GOLGB1: variants seen among roughly 807,000 people sequenced by gnomAD.
GOLGB1 encodes golgin B1, also known as golgin subfamily B member 1.
Under a neutral mutation model 336.9 loss-of-function variants are expected in GOLGB1, and 174 were observed. The observed-to-expected ratio is 0.52, with a 90% CI of 0.46 to 0.59. The LOEUF (loss-of-function observed/expected upper bound fraction) is 0.59, where lower values mean the gene tolerates loss of function less well. Among genes scored for constraint, GOLGB1 ranks in the 20% least tolerant of loss-of-function variants. The pLI is 0.00. For missense variants in GOLGB1, 3,331 were observed against 3,645.3 expected, an observed-to-expected ratio of 0.91 and a Z score of 2.22; for synonymous variants, 1,208 against 1,289.2, an observed-to-expected ratio of 0.94 and a Z score of 1.35.
In GOLGB1 at chr3:121,695,965, G is replaced by A. The variant is rs369211549; in HGVS notation, c.4558C>T (p.Arg1520Cys). Residue 1520 changes from arginine to cysteine, a missense_variant, in exon 13 of 22, where the codon CGT becomes TGT. Transcript: ENST00000614479. Reference protein sequence around the residue: ...ELSLARGTIERLTKSLADVES... With the variant: ...ELSLARGTIECLTKSLADVES... ...ACATCTGCCAGAGACTTGGTGAGAC[G>A]TTCAATGGTACCTCTGGCCAAAGAC... is the stretch of plus-strand genomic sequence containing the variant. 7.7e-5 allele frequency: 125 copies of A among 1,613,778 alleles called. No individual in the cohort carries two copies. The highest frequency in any genetic ancestry group is 1.6e-4 in the Middle Eastern group (1 of 6,084).
At position 121,690,899 on chromosome 3, in the gene GOLGB1, A is replaced by C. The variant is rs1233647084; in HGVS notation, c.8465T>G (p.Leu2822Trp). The change falls in exon 14 of 22, where the codon TTG (leucine) becomes TGG (tryptophan). Residue 2822 changes from leucine (L) to tryptophan (W), a missense_variant. Transcript: ENST00000614479. ...TTCTAGTTGTGAGGACAAGTGAAGC[A>C]ATTGCTCATCTTTGGATAGGAGCTG... is the stretch of plus-strand genomic sequence containing the variant. ...NQQLLSKDEQ[L>W]LHLSSQLEDS... The C allele has an allele frequency of 1.2e-6, 2 of 1,614,182 alleles. No homozygotes were observed. The highest frequency in any genetic ancestry group is 1.7e-6 in the Non-Finnish European group (2 of 1,179,990).
chr3:121,715,369 A>ATTTTTTTTTTTTTTTTTTTT (rs373634444), intron 9 of GOLGB1, among the ~76,000 whole-genome samples: 1 of 128,594 alleles, frequency 7.8e-6, no homozygotes. Context: ...TGCCTGGCTA[A>ATTTTTTTTTTTTTTTTTTTT]TTTTTTTTTT....
chr3:121,717,204 A>G, intron 8 of GOLGB1, 65 bp from the exon 9 acceptor site: 3 of 1,341,358 alleles, frequency 2.2e-6, no homozygotes, highest in African/African-American at 1.5e-5. Flanking sequence ...AGCATTGTAA[A>G]GTGCTTTTTC....
chr3:121,714,383 A>G (rs573321288), intron 10 of GOLGB1, among the ~76,000 whole-genome samples: 1 of 152,322 alleles, frequency 6.6e-6, no homozygotes, highest in South Asian at 2.1e-4. Flanking sequence ...GAAAGAATAT[A>G]CTGGCCAATA....
intron 14 of GOLGB1, among the ~76,000 whole-genome samples, chr3:121,685,969 T>G (rs900736923): frequency 7.9e-5 from 12 of 152,228 alleles, no homozygotes; most frequent in African/African-American, 2.7e-4. Context: ...TATCCTAGAA[T>G]GGACCATCAG....
At chr3:121,675,765 AT>A (rs940585611) in intron 17 of GOLGB1, among the ~76,000 whole-genome samples, 4 of 152,138 alleles carry the variant, frequency 2.6e-5, no homozygotes, top group Admixed American at 6.5e-5. Context: ...AACATTAAAA[AT>A]TTTTTTTAGT....
At chr3:121,720,056 A>AT (rs1945079835) in intron 6 of GOLGB1, among the ~76,000 whole-genome samples, 1 of 152,184 alleles carries the variant, frequency 6.6e-6, no homozygotes, top group Admixed American at 6.6e-5. Context: ...CAAGAAGTGT[A>AT]TTTTTTAAAG....
Position 121,669,374 on chromosome 3 carries a change from T to A in GOLGB1, c.9178-19A>T. 1 of 1,609,822 alleles carries A rather than the reference T, an allele frequency of 6.2e-7. No individual in the cohort carries two copies. Among genetic ancestry groups the A allele is most frequent in the Non-Finnish European group, 8.5e-7 (1 of 1,176,290 alleles). On this transcript the variant is annotated intron_variant, in intron 17 of 21. Transcript: ENST00000614479. The stretch of plus-strand genomic sequence containing the variant: ...GAGAGAACTGAAACAGAGGCGAGGA[T>A]AAGCATCATCCTGCAGTACTGTAAG...
intron 14 of GOLGB1, among the ~76,000 whole-genome samples, chr3:121,690,220 C>T (rs375636251): frequency 1.3e-5 from 2 of 152,072 alleles, no homozygotes; most frequent in South Asian, 2.1e-4. Flanking sequence ...GAACTGAGTC[C>T]TTTCTGCTCC....
intron 1 of GOLGB1, among the ~76,000 whole-genome samples, chr3:121,736,056 A>G (rs1576471617): frequency 6.6e-6 from 1 of 152,262 alleles, no homozygotes; most frequent in East Asian, 1.9e-4. Flanking sequence ...ATAAATAACA[A>G]TAATATTGGA....
Position 121,697,083 on chromosome 3 carries a change from T to C in GOLGB1, c.3440A>G (p.Lys1147Arg), listed in dbSNP as rs201386859. 1.2e-6 allele frequency: 2 copies of C among 1,614,066 alleles called. No homozygotes were observed. The highest frequency in any genetic ancestry group is 2.2e-5 in the East Asian group (1 of 44,876). The change falls in exon 13 of 22, where the codon AAG (lysine) becomes AGG (arginine). Residue 1147 changes from lysine to arginine, a missense_variant. Coordinates refer to ENST00000614479, the MANE Select transcript of GOLGB1 (RefSeq NM_001366282.2). ...ASDGDSVALV[K>R]ETVVISPPCT... ...AGGTGGACTTATCACCACTGTTTCC[T>C]TTACAAGTGCTACGGAGTCCCCATC...
chr3:121,702,865 C>T (rs1418010593), intron 10 of GOLGB1, among the ~76,000 whole-genome samples: 1 of 151,968 alleles, frequency 6.6e-6, no homozygotes, highest in Admixed American at 6.5e-5. Context: ...ATAGAAATCC[C>T]AAGTCTATAG....
chr3:121,679,801 C>T (rs1940857541), intron 15 of GOLGB1, among the ~76,000 whole-genome samples: 1 of 152,178 alleles, frequency 6.6e-6, no homozygotes, highest in Non-Finnish European at 1.5e-5. Flanking sequence ...CCCCTCCTCC[C>T]CCACTCCCAC....
intron 1 of GOLGB1, among the ~76,000 whole-genome samples, chr3:121,743,748 A>T (rs189425757): frequency 9.8e-4 from 150 of 152,342 alleles, no homozygotes; most frequent in Non-Finnish European, 1.7e-3. Flanking sequence ...AACTTTACCA[A>T]ATTGTCAAAA....
At chr3:121,738,973 A>G (rs181686148) in intron 1 of GOLGB1, among the ~76,000 whole-genome samples, 2 of 152,314 alleles carry the variant, frequency 1.3e-5, no homozygotes, top group Admixed American at 6.5e-5. Flanking sequence ...TTAAAAATGA[A>G]CTACTGAGGC....
At chr3:121,747,314 T>G (rs1947396898) in intron 1 of GOLGB1, among the ~76,000 whole-genome samples, 1 of 143,150 alleles carries the variant, frequency 7.0e-6, no homozygotes, top group Non-Finnish European at 1.5e-5. Flanking sequence ...TGTATATATG[T>G]ATATATGTGT....
In GOLGB1 at chr3:121,691,223, G is replaced by A; in HGVS notation, c.8141C>T (p.Ala2714Val). ...ETAEERVAEL[A>V]RDLVEMEQKL... ...CTGTTCCATCTCCACCAAATCTCTT[G>A]CTAGCTCTGCCACTCTCTCTTCTGC... Residue 2714 changes from alanine to valine, a missense_variant, in exon 14 of 22, where the codon GCA becomes GTA. Physicochemically the swap from Ala to Val is moderately conservative, Grantham distance 64. Transcript: ENST00000614479. The A allele has an allele frequency of 6.2e-7, 1 of 1,613,900 alleles. No homozygotes were observed. Among genetic ancestry groups the A allele is most frequent in the Non-Finnish European group, 8.5e-7 (1 of 1,179,984 alleles).
chr3:121,699,923 G>T, intron 11 of GOLGB1, 38 bp from the exon 12 acceptor site: 2 of 1,172,824 alleles, frequency 1.7e-6, no homozygotes, highest in Non-Finnish European at 1.2e-6. Context: ...GAAGATATAT[G>T]TGGAGTGTGT....
intron 7 of GOLGB1, among the ~76,000 whole-genome samples, chr3:121,719,227 TA>T (rs1310565775): frequency 6.6e-6 from 1 of 152,170 alleles, no homozygotes. Flanking sequence ...CAAATTTTTT[TA>T]AAAAAGAATT....
Sources: allele counts gnomAD v4.1 joint callset (sites outside exome capture counted in the v4.1 genomes callset), GRCh38; gene constraint gnomAD v4.1.1; transcripts MANE v1.5; gene names NCBI Gene and HGNC (gene_info 2026-07-23, HGNC 2026-07-21).